The following ERO1B variants were observed in gnomAD, a reference collection of about 807,000 sequenced individuals.
ERO1B encodes the protein ERO1-like protein beta.
Under a neutral mutation model 75.3 loss-of-function variants are expected in ERO1B, and 49 were observed. The observed-to-expected ratio is 0.65, with a 90% CI of 0.52 to 0.83. The LOEUF (loss-of-function observed/expected upper bound fraction) is 0.83. ERO1B is among the 40% of genes least tolerant of loss of function. ERO1B has a pLI of 0.00. For missense variants in ERO1B, 512 were observed against 560.1 expected (o/e 0.91, Z 0.87); for synonymous variants, 191 against 192.9 (o/e 0.99, Z 0.08).
intron 9 of ERO1B, among the ~76,000 whole-genome samples, chr1:236,232,386 C>G (rs1383291099): frequency 6.6e-6 from 1 of 152,054 alleles, no homozygotes; most frequent in Non-Finnish European, 1.5e-5. Flanking sequence ...ATCTTTTAAC[C>G]AACATTCATT....
At chr1:236,250,617 A>C (rs2254376) in intron 4 of ERO1B, among the ~76,000 whole-genome samples, 16 of 54,312 alleles carry the variant, frequency 2.9e-4, no homozygotes, top group East Asian at 1.2e-3. Context: ...ATATATATAT[A>C]TCAAACGTGT....
intron 6 of ERO1B, among the ~76,000 whole-genome samples, chr1:236,241,387 TA>T (rs78165751): frequency 0.32 from 48,404 of 149,014 alleles, 8,352 homozygotes; most frequent in East Asian, 0.77. Flanking sequence ...CTACTAAAAA[TA>T]AAAAAAAAAA....
intron 10 of ERO1B, among the ~76,000 whole-genome samples, chr1:236,227,666 C>T (rs1373239372): frequency 6.6e-6 from 1 of 152,072 alleles, no homozygotes; most frequent in Non-Finnish European, 1.5e-5. Context: ...GCAAAATAGT[C>T]TCATTTATAT....
At chr1:236,271,233 G>A (rs1308153358) in intron 1 of ERO1B, among the ~76,000 whole-genome samples, 1 of 152,118 alleles carries the variant, frequency 6.6e-6, no homozygotes, top group African/African-American at 2.4e-5. Flanking sequence ...ATGGGTCTCA[G>A]CCTGTTAAAG....
Position 236,215,186 on chromosome 1 carries a change from C to A in ERO1B, c.*3330G>T, listed in dbSNP as rs1042322834. ...TTGTAGCTGAATGGAAATAGGCCAA[C>A]TTACAAAATGTCACAAAGGTTCTAG... On this transcript the variant is annotated 3_prime_UTR_variant, in exon 16 of 16. Coordinates refer to ENST00000354619, the MANE Select transcript of ERO1B (RefSeq NM_019891.4). Among the ~76,000 whole-genome samples the A allele has an allele frequency of 1.3e-5, 2 of 152,188 alleles. No individual in the cohort carries two copies. Among genetic ancestry groups the A allele is most frequent in the African/African-American group, 2.4e-5 (1 of 41,452 alleles).
At chr1:236,240,275 A>G (rs547745064) in intron 6 of ERO1B, among the ~76,000 whole-genome samples, 1 of 152,196 alleles carries the variant, frequency 6.6e-6, no homozygotes, top group South Asian at 2.1e-4. Flanking sequence ...ATGAGGTCAT[A>G]CCACATTTTC....
intron 2 of ERO1B, among the ~76,000 whole-genome samples, chr1:236,264,833 G>A (rs1282296325): frequency 2.0e-5 from 3 of 152,076 alleles, no homozygotes; most frequent in Middle Eastern, 3.4e-3. Flanking sequence ...CAACAAAGGT[G>A]AGACTGTCTC....
At chr1:236,227,078 A>G (rs936181965) in intron 10 of ERO1B, among the ~76,000 whole-genome samples, 1 of 152,208 alleles carries the variant, frequency 6.6e-6, no homozygotes, top group Non-Finnish European at 1.5e-5. Context: ...AACTTACTGA[A>G]GTAAATGTAA....
Position 236,281,710 on chromosome 1 carries a change from C to T in ERO1B, c.74G>A (p.Ser25Asn), listed in dbSNP as rs1665835287. 1 of 1,509,702 alleles carries T rather than the reference C, an allele frequency of 6.6e-7. No homozygotes were observed. The highest frequency in any genetic ancestry group is 8.8e-7 in the Non-Finnish European group (1 of 1,131,878). The allele number at this position is 1,509,702 out of a possible 1,614,324, so 93.5% of individuals were successfully genotyped here. ...AAAVQLLVTLSFLRSVVEAQV... is the reference protein window; with the variant it reads ...AAAVQLLVTLNFLRSVVEAQV... ...CGCCTCGACGACGCTCCGCAGGAAG[C>T]TCAGGGTGACCAGCAGCTGCACCGC... Residue 25 changes from serine (S) to asparagine (N), a missense_variant, in exon 1 of 16, where the codon AGC (serine) becomes AAC (asparagine). Ser to Asn is a conservative substitution (Grantham distance 46). Coordinates refer to ENST00000354619, the MANE Select transcript of ERO1B (RefSeq NM_019891.4).
chr1:236,243,571 T>C (rs1664766287), intron 5 of ERO1B, 76 bp from the exon 6 acceptor site: 1 of 890,182 alleles, frequency 1.1e-6, no homozygotes, highest in Non-Finnish European at 1.7e-6. Context: ...TCTAGTGTAA[T>C]TAAAATAGAT....
chr1:236,273,874 G>A (rs1405622769), intron 1 of ERO1B, among the ~76,000 whole-genome samples: 11 of 150,274 alleles, frequency 7.3e-5, no homozygotes, highest in Non-Finnish European at 1.3e-4. Context: ...ACCGCTGAAA[G>A]TATATGTTCA....
chr1:236,259,688 A>C (rs1665249225), intron 2 of ERO1B, among the ~76,000 whole-genome samples: 1 of 142,034 alleles, frequency 7.0e-6, no homozygotes, highest in Admixed American at 7.2e-5. Flanking sequence ...AGAAGTTACA[A>C]AAACTAAATA....
chr1:236,226,464 C>A lies in ERO1B; in HGVS notation c.857G>T (p.Arg286Leu), dbSNP rs772121664. 5.4e-5 allele frequency: 87 copies of A among 1,613,954 alleles called. No individual in the cohort carries two copies. The highest frequency in any genetic ancestry group is 7.1e-5 in the Non-Finnish European group (84 of 1,180,004). Reference protein sequence around the residue: ...WGPNIKEFKHRFDPVETKGEG... With the variant: ...WGPNIKEFKHLFDPVETKGEG... ...TCCCTTGGTTTCCACAGGGTCAAAG[C>A]GGTGTTTGAATTCTTTAATATTAGG... Residue 286 changes from arginine to leucine, a missense_variant, in exon 12 of 16, where the codon CGC becomes CTC. Transcript: ENST00000354619.
intron 1 of ERO1B, chr1:236,281,330 C>G (rs1665823315): frequency 5.5e-6 from 1 of 181,770 alleles, no homozygotes; most frequent in African/African-American, 2.3e-5. Context: ...GGCGCTCGCT[C>G]CCTTCGCAAG....
chr1:236,268,902 G>GCAAAAA (rs2102965208), intron 2 of ERO1B, among the ~76,000 whole-genome samples: 1 of 151,168 alleles, frequency 6.6e-6, no homozygotes, highest in South Asian at 2.1e-4. Context: ...AAAAATAAAA[G>GCAAAAA]CAAAAACAAA....
intron 3 of ERO1B, among the ~76,000 whole-genome samples, 177 bp downstream of exon 3, chr1:236,253,245 A>G (rs1665081637): frequency 6.6e-6 from 1 of 152,184 alleles, no homozygotes; most frequent in Admixed American, 6.6e-5. Flanking sequence ...CTTCAAACCC[A>G]TTTTGGTGTC....
chr1:236,273,134 A>G (rs1665633969), intron 1 of ERO1B, among the ~76,000 whole-genome samples: 1 of 152,134 alleles, frequency 6.6e-6, no homozygotes, highest in Admixed American at 6.5e-5. Flanking sequence ...TTCAGGTGAG[A>G]TGAGTTCTTT....
At chr1:236,249,756 T>G in intron 5 of ERO1B, 129 bp downstream of exon 5, 2 of 637,734 alleles carry the variant, frequency 3.1e-6, no homozygotes, top group Non-Finnish European at 2.5e-6. Context: ...AAAGAAAAAC[T>G]TTTTCTTCCT....
At chr1:236,268,181 CTTAT>C (rs1339306702) in intron 2 of ERO1B, among the ~76,000 whole-genome samples, 2 of 152,192 alleles carry the variant, frequency 1.3e-5, no homozygotes, top group Admixed American at 6.5e-5. Flanking sequence ...CTTTAATTCT[CTTAT>C]TTGTTATATT....
Sources: allele counts gnomAD v4.1 joint callset (sites outside exome capture counted in the v4.1 genomes callset), GRCh38; gene constraint gnomAD v4.1.1; transcripts MANE v1.5; gene names NCBI Gene and HGNC (gene_info 2026-07-23, HGNC 2026-07-21).